NXN: variants seen among roughly 807,000 people sequenced by gnomAD.
NXN encodes nucleoredoxin, also known as nucleoredoxin 1.
Under a neutral mutation model 48.6 loss-of-function variants are expected in NXN, and 16 were observed. That is an observed-to-expected ratio of 0.33 (90% CI 0.22 to 0.50). The LOEUF is 0.50. Ranked by LOEUF, NXN falls within the 20% of genes least tolerant of loss-of-function variation. NXN has a pLI of 0.98. For synonymous variants in NXN, 281 were observed against 269.6 expected (o/e 1.04, Z -0.41); for missense variants, 492 against 605.5 (o/e 0.81, Z 1.97).
intron 1 of NXN, among the ~76,000 whole-genome samples, chr17:862,374 C>G (rs900096416): frequency 2.0e-5 from 3 of 152,154 alleles, no homozygotes; most frequent in African/African-American, 7.2e-5. Flanking sequence ...AAAAATAAAA[C>G]TTAGGTGGGT....
chr17:946,589 G>T (rs1443927793), intron 1 of NXN, among the ~76,000 whole-genome samples: 1 of 152,200 alleles, frequency 6.6e-6, no homozygotes, highest in Non-Finnish European at 1.5e-5. Flanking sequence ...CTAACGCCCT[G>T]GCTGAGAAGT....
chr17:806,824 T>G (rs1311876540), intron 5 of NXN, among the ~76,000 whole-genome samples: 1 of 152,158 alleles, frequency 6.6e-6, no homozygotes, highest in Non-Finnish European at 1.5e-5. Flanking sequence ...ATCCATTATG[T>G]TCACACCTAT....
At chr17:970,174 G>A (rs529247170) in intron 1 of NXN, among the ~76,000 whole-genome samples, 8 of 152,130 alleles carry the variant, frequency 5.3e-5, no homozygotes, top group South Asian at 4.1e-4. Context: ...TTTCCATGAC[G>A]GGTCTCACTC....
intron 1 of NXN, among the ~76,000 whole-genome samples, chr17:835,093 G>A (rs1205678185): frequency 6.6e-6 from 1 of 151,438 alleles, no homozygotes; most frequent in East Asian, 2.0e-4. Flanking sequence ...CGGATCACAA[G>A]GTCAGGAGAT....
intron 1 of NXN, among the ~76,000 whole-genome samples, chr17:967,247 CGACCATGCCG>C (rs1226761189): frequency 5.9e-5 from 9 of 152,158 alleles, no homozygotes; most frequent in Non-Finnish European, 8.8e-5. Flanking sequence ...GGATCAAGGG[CGACCATGCCG>C]GACTCCTGCT....
In NXN at chr17:914,262, T is replaced by C. The variant is rs12936210; in HGVS notation, c.360+65057A>G. Reference sequence around the variant, plus strand: ...GTTGGCCAGGCTGGTCTCGCACTCCTGACCTCAGGTGACTCGCCTACCTCA... The same window carrying C: ...GTTGGCCAGGCTGGTCTCGCACTCCCGACCTCAGGTGACTCGCCTACCTCA... On this transcript the variant is annotated intron_variant, in intron 1 of 7. Transcript: ENST00000336868. Among the ~76,000 whole-genome samples the C allele has an allele frequency of 5.8e-4, 19 of 32,788 alleles. 1 individual carries two copies. The highest frequency in any genetic ancestry group is 1.0e-3 in the South Asian group (1 of 970). 21.5% of individuals were successfully genotyped at this position (32,788 alleles called of 152,430 possible). A position where few individuals can be genotyped will look rare whatever the true frequency, so the allele number is the denominator to read the frequency against.
At chr17:948,802 G>A (rs1271442376) in intron 1 of NXN, among the ~76,000 whole-genome samples, 2 of 141,132 alleles carry the variant, frequency 1.4e-5, no homozygotes. Flanking sequence ...GCAGGGCCAG[G>A]GCACGGCCTC....
intron 1 of NXN, among the ~76,000 whole-genome samples, chr17:844,026 A>G (rs541686873): frequency 2.6e-4 from 39 of 152,378 alleles, no homozygotes; most frequent in African/African-American, 9.1e-4. Context: ...ACGCCTGTCC[A>G]GGCCATCATA....
intron 1 of NXN, among the ~76,000 whole-genome samples, chr17:970,405 C>T (rs574937779): frequency 7.2e-5 from 11 of 151,870 alleles, no homozygotes; most frequent in Non-Finnish European, 1.2e-4. Context: ...AGTTGGGGGG[C>T]CCTTCACTGG....
intron 1 of NXN, among the ~76,000 whole-genome samples, chr17:837,169 C>T (rs1018563748): frequency 2.0e-5 from 3 of 152,066 alleles, no homozygotes; most frequent in African/African-American, 7.2e-5. Flanking sequence ...GTGGCAACAG[C>T]GTCTCGCTAT....
At chr17:965,555 A>G (rs2069292048) in intron 1 of NXN, among the ~76,000 whole-genome samples, 1 of 152,166 alleles carries the variant, frequency 6.6e-6, no homozygotes, top group Non-Finnish European at 1.5e-5. Context: ...TCATAATCCA[A>G]TCAGGGCAAG....
At chr17:892,795 G>A (rs1354709974) in intron 1 of NXN, among the ~76,000 whole-genome samples, 2 of 152,204 alleles carry the variant, frequency 1.3e-5, no homozygotes, top group Non-Finnish European at 2.9e-5. Context: ...ATCCCAACCT[G>A]GTGGATGCAT....
intron 1 of NXN, among the ~76,000 whole-genome samples, chr17:829,453 ACTAT>A (rs909116839): frequency 1.1e-4 from 15 of 138,568 alleles, no homozygotes; most frequent in Non-Finnish European, 2.1e-4. Context: ...CCGTGCTCGG[ACTAT>A]CTTTTTTTTT....
intron 1 of NXN, among the ~76,000 whole-genome samples, chr17:867,987 G>A (rs930964979): frequency 1.3e-5 from 2 of 152,140 alleles, no homozygotes; most frequent in African/African-American, 4.8e-5. Flanking sequence ...GTTCTGCCTT[G>A]TTACTAATGA....
chr17:905,915 C>T (rs1476266003), intron 1 of NXN, among the ~76,000 whole-genome samples: 4 of 150,410 alleles, frequency 2.7e-5, no homozygotes, highest in African/African-American at 7.3e-5. Context: ...AGGCAGAGGT[C>T]GCAGTGAGCC....
In NXN at chr17:896,987, C is replaced by T. The variant is rs1015489478; in HGVS notation, c.361-70909G>A. ...CAGTGACGCCTCTCCTAGGAAAGTCCCCGCGGCAGATACACGGACTCCGTA... is the reference window on the plus strand; with the variant it reads ...CAGTGACGCCTCTCCTAGGAAAGTCTCCGCGGCAGATACACGGACTCCGTA... On this transcript the variant is annotated intron_variant, in intron 1 of 7. Coordinates refer to ENST00000336868, the MANE Select transcript of NXN (RefSeq NM_022463.5). 2.7e-5 allele frequency: 31 copies of T among 1,163,004 alleles called. No homozygotes were observed. The African/African-American group carries it at 4.5e-4, about 17-fold the overall frequency. The allele number at this position is 1,163,004 out of a possible 1,614,324, so 72.0% of individuals were successfully genotyped here. A position where few individuals can be genotyped will look rare whatever the true frequency, so the allele number is the denominator to read the frequency against.
chr17:896,911 C>T (rs1305579557), intron 1 of NXN: 4 of 1,251,406 alleles, frequency 3.2e-6, no homozygotes, highest in East Asian at 6.7e-5. Context: ...CTGCATATCA[C>T]ACACAATATT....
rs147024354 is a variant in NXN, at chr17:939,472, A to G, written c.360+39847T>C. On this transcript the variant is annotated intron_variant, in intron 1 of 7. Transcript: ENST00000336868. Reference sequence around the variant, plus strand: ...GTGATTCTCCTGCCTTATCCTCCCCAGTAGCAGGGATTACAGGTGCCCGCC... The same window carrying G: ...GTGATTCTCCTGCCTTATCCTCCCCGGTAGCAGGGATTACAGGTGCCCGCC... 5.5e-3 allele frequency among the ~76,000 whole-genome samples: 821 copies of G among 149,596 alleles called. 6 individuals are homozygous for G. Among genetic ancestry groups the G allele is most frequent in the Admixed American group, 0.01 (150 of 14,790 alleles).
In NXN at chr17:849,727, A is replaced by G. The variant is rs901136101; in HGVS notation, c.361-23649T>C. On this transcript the variant is annotated intron_variant, in intron 1 of 7. Coordinates refer to ENST00000336868, the MANE Select transcript of NXN (RefSeq NM_022463.5). This position sits in a 1 kb window ranked among gnomAD's most constrained non-coding sequence, Gnocchi z 4.2. ...ACGTGGCAGGATGCAGAGCAGGTAGAGGAGTGCTGAAGAGCTGACAGTGGA... is the reference window on the plus strand; with the variant it reads ...ACGTGGCAGGATGCAGAGCAGGTAGGGGAGTGCTGAAGAGCTGACAGTGGA... Among the ~76,000 whole-genome samples, 2 of 152,208 alleles carry G rather than the reference A, an allele frequency of 1.3e-5. No individual in the cohort carries two copies. Among genetic ancestry groups the G allele is most frequent in the African/African-American group, 4.8e-5 (2 of 41,460 alleles).
Sources: gnomAD v4.1 joint callset for allele counts (sites outside exome capture counted in the v4.1 genomes callset) on GRCh38, gnomAD v4.1.1 for gene constraint, Gnocchi (gnomAD v3.1) non-coding constraint, MANE v1.5 for transcripts, NCBI Gene and HGNC (gene_info 2026-07-23, HGNC 2026-07-21) for gene names.